The following DAB1 variants were observed in gnomAD, a reference collection of about 807,000 sequenced individuals.
DAB1 encodes the protein DAB adaptor protein 1, also known as disabled homolog 1.
DAB1 carries 15 observed loss-of-function variants against 64.6 expected under a neutral mutation model. The ratio of observed to expected loss-of-function variants is 0.23; its 90% CI spans 0.16 to 0.36. DAB1 has a LOEUF of 0.36. Among genes scored for constraint, DAB1 ranks in the 10% least tolerant of loss-of-function variants. The pLI, the probability that DAB1 is intolerant of heterozygous loss-of-function variation, is 1.00. For synonymous variants in DAB1, 235 were observed against 251.9 expected, an observed-to-expected ratio of 0.93 and a Z score of 0.64; for missense variants, 596 against 706.7, an observed-to-expected ratio of 0.84 and a Z score of 1.78.
intron 1 of DAB1, among the ~76,000 whole-genome samples, chr1:57,415,280 CATAT>C (rs57020595): frequency 0.012 from 1,793 of 145,364 alleles, 25 homozygotes; most frequent in African/African-American, 0.037. Context: ...CACACACACA[CATAT>C]ATGCACACAC....
intron 6 of DAB1, among the ~76,000 whole-genome samples, chr1:57,795,688 G>GAT (rs1650811348): frequency 2.3e-5 from 1 of 42,974 alleles, no homozygotes; most frequent in Admixed American, 3.5e-4. Flanking sequence ...ATTATGCTTG[G>GAT]AGATATATAT....
intron 1 of DAB1, chr1:58,533,909 C>T: frequency 1.2e-6 from 1 of 849,938 alleles, no homozygotes; most frequent in Non-Finnish European, 2.1e-6. Context: ...TTGTTAACTT[C>T]AAAGCAGTTT....
chr1:58,495,739 A>G (rs137911731), intron 3 of DAB1, among the ~76,000 whole-genome samples: 56 of 152,250 alleles, frequency 3.7e-4, no homozygotes, highest in African/African-American at 1.3e-3. Flanking sequence ...ATATCATACC[A>G]AAGTGTATTA....
At chr1:57,619,698 A>G (rs1482783335) in intron 7 of DAB1, among the ~76,000 whole-genome samples, 1 of 152,154 alleles carries the variant, frequency 6.6e-6, no homozygotes, top group Non-Finnish European at 1.5e-5. Context: ...CAGGGCCCCT[A>G]TTTTATAGAT....
chr1:58,156,813 C>T (rs1655253061), intron 4 of DAB1, among the ~76,000 whole-genome samples: 1 of 152,122 alleles, frequency 6.6e-6, no homozygotes, highest in African/African-American at 2.4e-5. Flanking sequence ...AATCATGCTG[C>T]ACAAGGAGAC....
intron 1 of DAB1, among the ~76,000 whole-genome samples, chr1:58,528,135 TTCAA>T (rs1463573787): frequency 1.3e-5 from 2 of 152,248 alleles, no homozygotes; most frequent in East Asian, 1.9e-4. Context: ...TTCCTTCCTT[TTCAA>T]TCAGTCTGTT....
chr1:57,768,459 C>T (rs980968181), intron 6 of DAB1, among the ~76,000 whole-genome samples: 2 of 151,390 alleles, frequency 1.3e-5, no homozygotes, highest in African/African-American at 4.8e-5. Context: ...CCAAATAACA[C>T]TCTTTTTTGT....
At chr1:58,376,867 A>T (rs1413308359) in intron 3 of DAB1, among the ~76,000 whole-genome samples, 1 of 107,342 alleles carries the variant, frequency 9.3e-6, no homozygotes, top group East Asian at 2.5e-4. Flanking sequence ...GTGCTCCTGT[A>T]TTGGGTGCAT....
intron 2 of DAB1, among the ~76,000 whole-genome samples, chr1:57,215,853 C>T (rs1232687130): frequency 1.3e-5 from 2 of 152,142 alleles, no homozygotes; most frequent in African/African-American, 4.8e-5. Context: ...AAAGGCCAAG[C>T]TTACACTAGT....
At chr1:57,442,531 T>A (rs1685994862) in intron 7 of DAB1, among the ~76,000 whole-genome samples, 1 of 152,278 alleles carries the variant, frequency 6.6e-6, no homozygotes, top group African/African-American at 2.4e-5. Context: ...AGTGAGAATT[T>A]TTTTTTTTTT....
At chr1:57,391,806 CACACACAG>C (rs1174585256) in intron 1 of DAB1, among the ~76,000 whole-genome samples, 74 of 133,212 alleles carry the variant, frequency 5.6e-4, no homozygotes, top group African/African-American at 1.8e-3. Flanking sequence ...CACACACACA[CACACACAG>C]AGAGAGGAGA....
chr1:57,291,376 T>A lies in DAB1; in HGVS notation c.-136-210A>T, dbSNP rs559217415. Reference sequence around the variant, plus strand: ...AAAACTGCTTCTCAAACTAGGTAACTCAAAATAGATCTTTAAAAGTCTAGA... The same window carrying A: ...AAAACTGCTTCTCAAACTAGGTAACACAAAATAGATCTTTAAAAGTCTAGA... On this transcript the variant is annotated intron_variant, in intron 1 of 14. Transcript: ENST00000371236. Among the ~76,000 whole-genome samples, 23 of 152,276 alleles carry A rather than the reference T, an allele frequency of 1.5e-4. No individual in the cohort carries two copies. The South Asian group carries it at 2.5e-3, about 16-fold the overall frequency.
At chr1:58,217,972 T>C (rs965530728) in intron 4 of DAB1, among the ~76,000 whole-genome samples, 2 of 151,908 alleles carry the variant, frequency 1.3e-5, no homozygotes, top group Non-Finnish European at 2.9e-5. Context: ...GAGTTGTTTC[T>C]TCAGCCATTC....
intron 1 of DAB1, chr1:58,539,317 CAA>C (rs753291283): frequency 3.2e-6 from 2 of 629,066 alleles, no homozygotes; most frequent in Non-Finnish European, 2.7e-6. Context: ...CTACCTGAAA[CAA>C]AAAAAAAACT....
At chr1:58,019,599 C>T (rs1354779402) in intron 5 of DAB1, among the ~76,000 whole-genome samples, 1 of 152,192 alleles carries the variant, frequency 6.6e-6, no homozygotes, top group Non-Finnish European at 1.5e-5. Flanking sequence ...GCATTGCTTT[C>T]CTCATTTTAT....
At chr1:57,481,973 A>T (rs1447865836) in intron 7 of DAB1, among the ~76,000 whole-genome samples, 1 of 152,336 alleles carries the variant, frequency 6.6e-6, no homozygotes, top group East Asian at 1.9e-4. Context: ...ACACAGATTA[A>T]ATATTCATTT....
intron 5 of DAB1, among the ~76,000 whole-genome samples, chr1:58,077,555 C>A (rs1266859819): frequency 1.3e-5 from 2 of 152,184 alleles, no homozygotes; most frequent in African/African-American, 4.8e-5. Flanking sequence ...CTTGCATTGA[C>A]AATCTTATGT....
At chr1:58,371,178 T>C (rs1255602046) in intron 3 of DAB1, among the ~76,000 whole-genome samples, 2 of 152,116 alleles carry the variant, frequency 1.3e-5, no homozygotes, top group Non-Finnish European at 2.9e-5. Flanking sequence ...GACAATGAAG[T>C]CTGGGCTGAG....
At chr1:57,809,178 T>C (rs1318469900) in intron 6 of DAB1, among the ~76,000 whole-genome samples, 1 of 152,206 alleles carries the variant, frequency 6.6e-6, no homozygotes, top group East Asian at 1.9e-4. Context: ...AGAAGTTTCA[T>C]ACTCAAGAGC....
Sources: allele counts gnomAD v4.1 joint callset (sites outside exome capture counted in the v4.1 genomes callset), GRCh38; gene constraint gnomAD v4.1.1; transcripts MANE v1.5; gene names NCBI Gene and HGNC (gene_info 2026-07-23, HGNC 2026-07-21).